Variants in CFAP69 observed in about 807,000 individuals in gnomAD.
CFAP69 encodes cilia- and flagella-associated protein 69.
In CFAP69, 92 loss-of-function variants were observed where a neutral mutation model predicts 123.0. The observed-to-expected ratio is 0.75, with a 90% CI of 0.63 to 0.89. CFAP69 has a LOEUF of 0.89. CFAP69 is among the 40% of genes least tolerant of loss of function. The pLI, the probability that CFAP69 is intolerant of heterozygous loss-of-function variation, is 0.00. For synonymous variants in CFAP69, 380 were observed against 364.3 expected (o/e 1.04, Z -0.49); for missense variants, 1,067 against 1,096.9 (o/e 0.97, Z 0.39).
In CFAP69 at chr7:90,255,428, T is replaced by A; in HGVS notation, c.126T>A (p.Val42=). Residue 42 remains valine, a synonymous_variant, in exon 2 of 23, where the codon GTT becomes GTA. Coordinates refer to ENST00000389297, the MANE Select transcript of CFAP69 (RefSeq NM_001039706.3). ...VVTEDDEAQD[V]FKPMDLNRVI... ...AAGAGTTGTATGTTTTTTAGGATGT[T>A]TTCAAGCCTATGGACCTTAATCGTG... 6.2e-7 allele frequency: 1 copy of A among 1,612,304 alleles called. No individual in the cohort carries two copies.
In CFAP69 at chr7:90,245,284, G is replaced by A. The variant is rs548328935; in HGVS notation, c.-141G>A. 195 of 1,220,586 alleles carry A rather than the reference G, an allele frequency of 1.6e-4. 1 individual carries two copies. In the South Asian group the frequency reaches 2.2e-3, roughly 14 times the overall value. The allele number at this position is 1,220,586 out of a possible 1,614,324, so 75.6% of individuals were successfully genotyped here. ...TATGGCGGTGGCCTAGGCCCCTGGC[G>A]GAATTTTGGGACCTTTCGCGACTCT... On this transcript the variant is annotated 5_prime_UTR_variant, in exon 1 of 23. Transcript: ENST00000389297.
intron 1 of CFAP69, among the ~76,000 whole-genome samples, chr7:90,247,209 A>G (rs1796435890): frequency 1.3e-5 from 2 of 152,146 alleles, no homozygotes; most frequent in Admixed American, 1.3e-4. Context: ...AGTTCATGAG[A>G]AGTTAACTGA....
the CFAP69 span, among the ~76,000 whole-genome samples, chr7:90,316,105 A>G: frequency 6.6e-6 from 1 of 152,250 alleles, no homozygotes; most frequent in African/African-American, 2.4e-5. Context: ...AAAAAAAGAA[A>G]AAATAAAGAT....
In CFAP69 at chr7:90,262,017, G is replaced by C. The variant is rs151205971; in HGVS notation, c.317G>C (p.Arg106Pro). ...LCSGKIKNQPRFIESAYDIIK... is the reference protein window; with the variant it reads ...LCSGKIKNQPPFIESAYDIIK... The stretch of plus-strand genomic sequence containing the variant: ...TCAGGAAAAATAAAAAACCAGCCTC[G>C]TTTTATAGAATCTGCATATGATATC... The change falls in exon 4 of 23, where the codon CGT (arginine) becomes CCT (proline). Residue 106 changes from arginine (R) to proline (P), a missense_variant. By Grantham distance (103) the Arg-to-Pro change is moderately radical. Transcript: ENST00000389297. 1.2e-6 allele frequency: 2 copies of C among 1,603,004 alleles called. No individual in the cohort carries two copies. Among genetic ancestry groups the C allele is most frequent in the Non-Finnish European group, 8.5e-7 (1 of 1,175,588 alleles).
At position 90,271,848 on chromosome 7, in the gene CFAP69, A is replaced by C; in HGVS notation, c.750A>C (p.Pro250=). ...ASGICTHLND[P]DPSGQLLFRS... Reference sequence around the variant, plus strand: ...GAATCTGTACTCACCTCAATGACCCAGATCCCTCTGGACAGCTTTTATTTC... The same window carrying C: ...GAATCTGTACTCACCTCAATGACCCCGATCCCTCTGGACAGCTTTTATTTC... The change falls in exon 8 of 23, where the codon CCA becomes CCC. Residue 250 remains proline (P), a synonymous_variant. Coordinates refer to ENST00000389297, the MANE Select transcript of CFAP69 (RefSeq NM_001039706.3). 6.2e-7 allele frequency: 1 copy of C among 1,605,278 alleles called. No homozygotes were observed. Among genetic ancestry groups the C allele is most frequent in the Non-Finnish European group, 8.5e-7 (1 of 1,174,626 alleles).
At chr7:90,307,420 C>T (rs1173280052) in intron 20 of CFAP69, among the ~76,000 whole-genome samples, 1 of 152,062 alleles carries the variant, frequency 6.6e-6, no homozygotes, top group African/African-American at 2.4e-5. Flanking sequence ...ACCATTAAGG[C>T]ACAAGATAAT....
intron 20 of CFAP69, 42 bp from the exon 21 acceptor site, chr7:90,307,726 G>GA (rs752749684): frequency 1.1e-5 from 14 of 1,244,412 alleles, no homozygotes; most frequent in South Asian, 4.4e-5. Context: ...AAAAAAAAAA[G>GA]AAAAAAAAGA....
At chr7:90,299,427 C>A (rs1792441904) in intron 16 of CFAP69, among the ~76,000 whole-genome samples, 1 of 152,000 alleles carries the variant, frequency 6.6e-6, no homozygotes, top group South Asian at 2.1e-4. Flanking sequence ...TTGCAGTTAC[C>A]ATCAGTTACT....
At chr7:90,265,435 AG>A (rs1282446392) in intron 5 of CFAP69, 58 bp downstream of exon 5, 2 of 1,148,390 alleles carry the variant, frequency 1.7e-6, no homozygotes, top group East Asian at 4.9e-5. Flanking sequence ...CCTACTGACA[AG>A]GGAATATCTA....
intron 11 of CFAP69, among the ~76,000 whole-genome samples, chr7:90,278,688 C>T (rs139106607): frequency 1.5e-3 from 224 of 152,078 alleles, no homozygotes; most frequent in African/African-American, 4.7e-3. Context: ...ACTTTGTGAG[C>T]GGTGAAATCA....
intron 1 of CFAP69, 120 bp from the exon 2 acceptor site, chr7:90,255,303 C>T (rs1172962215): frequency 1.4e-6 from 1 of 707,288 alleles, no homozygotes; most frequent in Non-Finnish European, 2.4e-6. Context: ...CCCTTACTAT[C>T]GTAGTGTCAT....
chr7:90,265,044 G>A (rs575117733), intron 4 of CFAP69, among the ~76,000 whole-genome samples: 5 of 152,076 alleles, frequency 3.3e-5, no homozygotes, highest in Middle Eastern at 6.8e-3. Flanking sequence ...CACCCACCTC[G>A]GCCTCCCAAG....
In CFAP69 at chr7:90,265,378, G is replaced by A; in HGVS notation, c.433+1G>A. 8.7e-6 allele frequency: 14 copies of A among 1,601,228 alleles called. 1 individual carries two copies. Among genetic ancestry groups the A allele is most frequent in the Non-Finnish European group, 1.2e-5 (14 of 1,169,616 alleles). On this transcript the variant is annotated splice_donor_variant, in intron 5 of 22. Transcript: ENST00000389297. LOFTEE classifies it high-confidence loss of function. ...ACTGCTAATTCAATTGCACTTCTGG[G>A]TAAGTTAAGATTTCCTTAAGGTATA...
In CFAP69 at chr7:90,274,038, T is replaced by C. The variant is rs1800381345; in HGVS notation, c.912T>C (p.Tyr304=). The C allele has an allele frequency of 6.2e-7, 1 of 1,607,190 alleles. No individual in the cohort carries two copies. The highest frequency in any genetic ancestry group is 8.5e-7 in the Non-Finnish European group (1 of 1,177,264). The change falls in exon 9 of 23, where the codon TAT becomes TAC. Residue 304 remains tyrosine, a synonymous_variant. Coordinates refer to ENST00000389297, the MANE Select transcript of CFAP69 (RefSeq NM_001039706.3). ...KNLFMRGFSH[Y]DRQLRNDILV... ...TGTTTATGAGAGGTTTCAGTCATTA[T>C]GACCGTCAGCTTAGAAATGACATAT...
At chr7:90,270,166 T>C (rs1212436814) in intron 6 of CFAP69, 3 of 152,166 alleles carry the variant, frequency 2.0e-5, no homozygotes, top group Admixed American at 6.6e-5. Context: ...AGTATGGCAG[T>C]TGAAAGAGAC....
chr7:90,314,844 A>G (rs1317533636), downstream of CFAP69, among the ~76,000 whole-genome samples: 6 of 152,014 alleles, frequency 3.9e-5, no homozygotes, highest in Admixed American at 2.6e-4. Context: ...AGCATTAGGT[A>G]TATCTCCCAA....
chr7:90,310,011 T>C (rs1794141839), intron 22 of CFAP69, 57 bp from the exon 23 acceptor site: 2 of 1,425,204 alleles, frequency 1.4e-6, no homozygotes, highest in African/African-American at 1.4e-5. Flanking sequence ...AATGAGTTTT[T>C]CTCTTGTTGA....
intron 1 of CFAP69, among the ~76,000 whole-genome samples, chr7:90,250,370 A>G (rs1252435761): frequency 6.6e-6 from 1 of 152,188 alleles, no homozygotes; most frequent in African/African-American, 2.4e-5. Flanking sequence ...CCAGGGCCTC[A>G]GTTTCATTAA....
chr7:90,267,946 A>G (rs1858805), intron 5 of CFAP69, among the ~76,000 whole-genome samples: 132,867 of 152,204 alleles, frequency 0.87, 58,124 homozygotes, highest in East Asian at 1. Flanking sequence ...AGAAAAGTAA[A>G]ACACAAGTTT....
Sources: allele counts gnomAD v4.1 joint callset (sites outside exome capture counted in the v4.1 genomes callset), GRCh38; gene constraint gnomAD v4.1.1; transcripts MANE v1.5; gene names NCBI Gene and HGNC (gene_info 2026-07-23, HGNC 2026-07-21).